The following STK38L variants were observed in gnomAD, a reference collection of about 807,000 sequenced individuals.
The protein encoded by STK38L is serine/threonine kinase 38 like.
STK38L carries 28 observed loss-of-function variants against 59.7 expected under a neutral mutation model. That is an observed-to-expected ratio of 0.47 (90% CI 0.35 to 0.64). STK38L has a LOEUF of 0.64. STK38L is among the 30% of genes least tolerant of loss of function. The pLI, the probability that STK38L is intolerant of heterozygous loss-of-function variation, is 0.01. For synonymous variants in STK38L, 162 were observed against 176.8 expected (o/e 0.92, Z 0.66); for missense variants, 314 against 555.8 (o/e 0.56, Z 4.37).
At chr12:27,277,971 A>G (rs1163787288) in intron 1 of STK38L, among the ~76,000 whole-genome samples, 1 of 152,176 alleles carries the variant, frequency 6.6e-6, no homozygotes, top group African/African-American at 2.4e-5. Context: ...GTTTTTATGG[A>G]TGCAAGTCCA....
chr12:27,302,459 A>ATT (rs1944198260), intron 3 of STK38L: 1 of 253,272 alleles, frequency 3.9e-6, no homozygotes. Context: ...GGAATTAATC[A>ATT]ATCGTTAGCT....
Position 27,308,249 on chromosome 12 carries a change from A to C in STK38L, c.187-90A>C, listed in dbSNP as rs2136644998. 1.6e-6 allele frequency: 2 copies of C among 1,265,800 alleles called. No individual in the cohort carries two copies. The highest frequency in any genetic ancestry group is 2.1e-6 in the Non-Finnish European group (2 of 955,674). 78.4% of individuals were successfully genotyped at this position (1,265,800 alleles called of 1,614,324 possible). ...ATATTACATATTAGTGCTATCATTT[A>C]TTTTTACGTGTATCATCTTTTAATA... On this transcript the variant is annotated intron_variant, in intron 3 of 13. Coordinates refer to ENST00000389032, the MANE Select transcript of STK38L (RefSeq NM_015000.4). This position sits in a 1 kb window ranked among gnomAD's most constrained non-coding sequence, Gnocchi z 4.5.
intron 1 of STK38L, among the ~76,000 whole-genome samples, chr12:27,287,959 T>C (rs908237063): frequency 6.6e-6 from 1 of 152,228 alleles, no homozygotes; most frequent in Non-Finnish European, 1.5e-5. Flanking sequence ...CTTGGCTCAC[T>C]GCAACCTCTG....
At chr12:27,288,848 C>G (rs559155570) in intron 1 of STK38L, among the ~76,000 whole-genome samples, 4 of 151,526 alleles carry the variant, frequency 2.6e-5, no homozygotes, top group East Asian at 1.9e-4. Flanking sequence ...CTCCCTCCCC[C>G]CTGCCATTTA....
At chr12:27,315,180 C>A in intron 8 of STK38L, 63 bp downstream of exon 8, 1 of 1,573,726 alleles carries the variant, frequency 6.4e-7, no homozygotes, top group South Asian at 1.1e-5. Flanking sequence ...ACAGAAGGTT[C>A]TTTCCCTTTC....
rs766597994 is a variant in STK38L at position 27,309,150 on chromosome 12, T to C, written c.346T>C (p.Tyr116His). ...CCAGAAGAAAGATACAGGCCATATC[T>C]ATGCAATGAAGATATTGAGAAAGTC... Reference protein sequence around the residue: ...LVQKKDTGHIYAMKILRKSDM... With the variant: ...LVQKKDTGHIHAMKILRKSDM... The change falls in exon 5 of 14, where the codon TAT (tyrosine) becomes CAT (histidine). Residue 116 changes from tyrosine (Y) to histidine (H), a missense_variant. Tyr to His is a moderately conservative substitution (Grantham distance 83). Transcript: ENST00000389032. 6.2e-7 allele frequency: 1 copy of C among 1,604,250 alleles called. No homozygotes were observed. The highest frequency in any genetic ancestry group is 1.1e-5 in the South Asian group (1 of 89,944).
intron 5 of STK38L, among the ~76,000 whole-genome samples, chr12:27,310,227 G>C (rs950606274): frequency 1.3e-5 from 2 of 152,168 alleles, no homozygotes; most frequent in African/African-American, 2.4e-5. Flanking sequence ...TCCCCAGAGG[G>C]AAGAGGTGTG....
chr12:27,315,049 C>T lies in STK38L; in HGVS notation c.707C>T (p.Thr236Met), dbSNP rs1198858335. 1.9e-6 allele frequency: 3 copies of T among 1,612,216 alleles called. No homozygotes were observed. The highest frequency in any genetic ancestry group is 1.7e-6 in the Non-Finnish European group (2 of 1,179,354). ...AAATTATCTGATTTTGGTTTATGTA[C>T]GGGATTAAAGAAAGCTCACAGGACT... ...HVKLSDFGLCTGLKKAHRTEF... is the reference protein window; with the variant it reads ...HVKLSDFGLCMGLKKAHRTEF... Residue 236 changes from threonine to methionine, a missense_variant, in exon 8 of 14, where the codon ACG becomes ATG. By Grantham distance (81) the Thr-to-Met change is moderately conservative. Coordinates refer to ENST00000389032, the MANE Select transcript of STK38L (RefSeq NM_015000.4).
chr12:27,322,098 A>G (rs1202309215), intron 12 of STK38L, 45 bp from the exon 13 acceptor site: 2 of 1,518,884 alleles, frequency 1.3e-6, no homozygotes, highest in East Asian at 2.3e-5. Flanking sequence ...TTGGAAATTG[A>G]GAGTTCAAGA....
rs149513589 is a variant in STK38L at position 27,247,313 on chromosome 12, G to A, written c.-12+2981G>A. ...GATTCTGACCCAGGCATTCTGGCTT[G>A]TACCCATATGGCATGCTTAACTGCA... is the stretch of plus-strand genomic sequence containing the variant. On this transcript the variant is annotated intron_variant, in intron 1 of 13. Coordinates refer to ENST00000389032, the MANE Select transcript of STK38L (RefSeq NM_015000.4). Among the ~76,000 whole-genome samples, 6 of 152,280 alleles carry A rather than the reference G, an allele frequency of 3.9e-5. No homozygotes were observed. In the East Asian group the frequency reaches 1.2e-3, roughly 29 times the overall value.
chr12:27,257,862 A>G (rs1240133989), intron 1 of STK38L, among the ~76,000 whole-genome samples: 2 of 145,204 alleles, frequency 1.4e-5, no homozygotes, highest in African/African-American at 5.1e-5. Flanking sequence ...ATTTATGTCA[A>G]GCTTTTTTTT....
rs1182971890 is a variant in STK38L, at chr12:27,322,496, G to C, written c.*41G>C. The C allele has an allele frequency of 5.6e-6, 9 of 1,597,772 alleles. No individual in the cohort carries two copies. In the South Asian group the frequency reaches 1.0e-4, roughly 18 times the overall value. On this transcript the variant is annotated 3_prime_UTR_variant, in exon 14 of 14. Coordinates refer to ENST00000389032, the MANE Select transcript of STK38L (RefSeq NM_015000.4). Reference sequence around the variant, plus strand: ...ACCCATAACCAAGAGAACTCAGGTAGCTGCATCACCAGGCTTGCTTGGCGT... The same window carrying C: ...ACCCATAACCAAGAGAACTCAGGTACCTGCATCACCAGGCTTGCTTGGCGT...
intron 1 of STK38L, among the ~76,000 whole-genome samples, chr12:27,281,372 ACCGCGCCCGGCCCGGCTTTAGCTT>A (rs1943653863): frequency 6.6e-6 from 1 of 150,650 alleles, no homozygotes; most frequent in Non-Finnish European, 1.5e-5. Flanking sequence ...GGCGTGAGCC[ACCGCGCCCGGCCCGGCTTTAGCTT>A]TGTTTAACTG....
chr12:27,272,736 T>C (rs1376610523), intron 1 of STK38L, among the ~76,000 whole-genome samples: 1 of 152,130 alleles, frequency 6.6e-6, no homozygotes, highest in Non-Finnish European at 1.5e-5. Context: ...TTAATGTTTC[T>C]TTCAAAACCT....
At chr12:27,250,421 G>C (rs567107592) in intron 1 of STK38L, among the ~76,000 whole-genome samples, 7 of 152,122 alleles carry the variant, frequency 4.6e-5, no homozygotes, top group Non-Finnish European at 1.0e-4. Context: ...TATAGATTTA[G>C]CTCCCTGAAC....
Position 27,322,440 on chromosome 12 carries a change from A to G in STK38L, c.1380A>G (p.Lys460=). The change falls in exon 14 of 14, where the codon AAA becomes AAG. Residue 460 remains lysine (K), a synonymous_variant. Coordinates refer to ENST00000389032, the MANE Select transcript of STK38L (RefSeq NM_015000.4). ...GTGGCTCTATCCCCACCTACATGAA[A>G]GCTGGGAAGTTATGAATGAAGATAA... ...TQRGSIPTYM[K]AGKL 6.2e-7 allele frequency: 1 copy of G among 1,612,854 alleles called. No individual in the cohort carries two copies. Among genetic ancestry groups the G allele is most frequent in the Non-Finnish European group, 8.5e-7 (1 of 1,179,612 alleles).
rs1122738 is a variant in STK38L, at chr12:27,316,648, G to T, written c.838-688G>T. ...CCCCAAGAGTACTACCCCTGGTTGA[G>T]AATTACTGCCTTGTAGAAATCATTT... On this transcript the variant is annotated intron_variant, in intron 9 of 13. Coordinates refer to ENST00000389032, the MANE Select transcript of STK38L (RefSeq NM_015000.4). Among the ~76,000 whole-genome samples, 4 of 152,186 alleles carry T rather than the reference G, an allele frequency of 2.6e-5. No individual in the cohort carries two copies. In the East Asian group the frequency reaches 7.7e-4, roughly 29 times the overall value.
At chr12:27,303,453 C>G (rs904256728) in intron 3 of STK38L, among the ~76,000 whole-genome samples, 1 of 152,128 alleles carries the variant, frequency 6.6e-6, no homozygotes, top group African/African-American at 2.4e-5. Flanking sequence ...TGTTCCTGTC[C>G]CCATGGGAGC....
At chr12:27,302,254 AG>A in intron 3 of STK38L, 66 bp downstream of exon 3, 1 of 1,215,112 alleles carries the variant, frequency 8.2e-7, no homozygotes, top group Non-Finnish European at 1.1e-6. Flanking sequence ...ATTTGACATC[AG>A]GTATTTTATA....
Sources: allele counts gnomAD v4.1 joint callset (sites outside exome capture counted in the v4.1 genomes callset), GRCh38; gene constraint gnomAD v4.1.1; non-coding constraint Gnocchi (gnomAD v3.1); transcripts MANE v1.5; gene names NCBI Gene and HGNC (gene_info 2026-07-23, HGNC 2026-07-21).